SRSF1: variants seen among roughly 807,000 people sequenced by gnomAD.
SRSF1 encodes the protein serine and arginine rich splicing factor 1, also known as serine/arginine-rich splicing factor 1.
A neutral mutation model predicts 25.9 loss-of-function variants in SRSF1; 1 was observed. That is an observed-to-expected ratio of 0.04 (90% CI 0.01 to 0.18). SRSF1 has a LOEUF of 0.18. SRSF1 is among the 10% of genes least tolerant of loss of function. The pLI is 1.00. For missense variants in SRSF1, 65 were observed against 350.5 expected (o/e 0.19, Z 6.50); for synonymous variants, 132 against 126.2 (o/e 1.05, Z -0.31).
chr17:57,997,951 A>G (rs1362210160), downstream of SRSF1, among the ~76,000 whole-genome samples: 2 of 152,202 alleles, frequency 1.3e-5, no homozygotes, highest in African/African-American at 4.8e-5. Flanking sequence ...GCGCTGGCTC[A>G]CACCTGTATT....
chr17:58,006,030 T>G, intron 2 of SRSF1, 57 bp from the exon 3 acceptor site: 1 of 1,536,004 alleles, frequency 6.5e-7, no homozygotes, highest in Non-Finnish European at 8.9e-7. Context: ...CACGTTAAGC[T>G]GGTAAGGTAC....
downstream of SRSF1, among the ~76,000 whole-genome samples, chr17:57,998,008 A>C (rs12453846): frequency 0.063 from 9,592 of 152,230 alleles, 319 homozygotes; most frequent in African/African-American, 0.082. Flanking sequence ...TGAGATCAGA[A>C]GTTCAGAGAC....
At position 58,007,140 on chromosome 17, in the gene SRSF1, C is replaced by A. The variant is rs775418385; in HGVS notation, c.-3G>T. ...CGAATCACACCACCTCCCGACATGG[C>A]GGTGACGAAAAGCGCGGACTCGAGA... On this transcript the variant is annotated 5_prime_UTR_variant, in exon 1 of 4. Transcript: ENST00000258962. 6.2e-7 allele frequency: 1 copy of A among 1,613,708 alleles called. No homozygotes were observed. The highest frequency in any genetic ancestry group is 8.5e-7 in the Non-Finnish European group (1 of 1,179,916).
intron 1 of SRSF1, 117 bp from the exon 2 acceptor site, chr17:58,006,644 C>T: frequency 8.1e-7 from 1 of 1,241,596 alleles, no homozygotes; most frequent in East Asian, 2.6e-5. Flanking sequence ...CCACATGCGC[C>T]GCATAATAGG....
chr17:57,993,418 A>G, the SRSF1 span: 3 of 150,876 alleles, frequency 2.0e-5, no homozygotes, highest in Non-Finnish European at 4.4e-5. Context: ...CTAAAGTTCT[A>G]CATTCAGTCA....
the SRSF1 span, chr17:57,992,052 A>C: frequency 6.6e-6 from 1 of 152,258 alleles, no homozygotes; most frequent in Admixed American, 6.5e-5. Context: ...ATGAGTCTAA[A>C]GCCATGGAAA....
the SRSF1 span, chr17:57,992,062 A>T: frequency 1.3e-5 from 2 of 152,248 alleles, no homozygotes; most frequent in African/African-American, 4.8e-5. Context: ...AGCCATGGAA[A>T]CACATTTATC....
the SRSF1 span, among the ~76,000 whole-genome samples, chr17:57,995,890 C>T: frequency 6.6e-6 from 1 of 152,156 alleles, no homozygotes; most frequent in Non-Finnish European, 1.5e-5. Context: ...TATCTGTAAT[C>T]CCAGCACTTT....
the SRSF1 span, chr17:57,990,320 T>C: frequency 6.6e-6 from 1 of 152,194 alleles, no homozygotes; most frequent in Non-Finnish European, 1.5e-5. Context: ...AAGAATCACT[T>C]TTCTTGAGGA....
At chr17:57,989,426 T>C in the SRSF1 span, 3 of 397,636 alleles carry the variant, frequency 7.5e-6, no homozygotes, top group Admixed American at 1.3e-4. Context: ...TTTAAGACTT[T>C]AACATTTTCC....
chr17:57,996,408 C>T (rs2075364779), downstream of SRSF1, among the ~76,000 whole-genome samples: 1 of 138,374 alleles, frequency 7.2e-6, no homozygotes, highest in Admixed American at 8.3e-5. Context: ...CGCTTGAACC[C>T]AGGAGGTGGA....
At chr17:57,992,630 C>G in the SRSF1 span, 1 of 152,204 alleles carries the variant, frequency 6.6e-6, no homozygotes, top group African/African-American at 2.4e-5. Flanking sequence ...TGTTTAGTGT[C>G]ATGTGCACCC....
downstream of SRSF1, among the ~76,000 whole-genome samples, chr17:57,999,177 CA>C (rs1387521357): frequency 2.0e-5 from 3 of 152,142 alleles, no homozygotes; most frequent in African/African-American, 7.2e-5. Flanking sequence ...GATTTTAAGA[CA>C]AACTTTAAGA....
the SRSF1 span, chr17:57,989,581 G>T: frequency 2.5e-6 from 1 of 398,036 alleles, no homozygotes; most frequent in South Asian, 1.4e-4. Context: ...ATAGTAATTT[G>T]ACAGTGTGTT....
intron 1 of SRSF1, chr17:58,006,743 T>A: frequency 5.7e-6 from 5 of 878,790 alleles, no homozygotes; most frequent in Non-Finnish European, 8.5e-6. Context: ...AGCCTGCGAA[T>A]GGGCTCCGGG....
At chr17:58,006,642 G>A (rs1278341913) in intron 1 of SRSF1, 115 bp from the exon 2 acceptor site, 7 of 1,260,010 alleles carry the variant, frequency 5.6e-6, no homozygotes, top group Middle Eastern at 2.8e-4. Flanking sequence ...GCCCACATGC[G>A]CCGCATAATA....
chr17:58,007,183 G>C lies in SRSF1; in HGVS notation c.-46C>G, dbSNP rs775395791. On this transcript the variant is annotated 5_prime_UTR_variant, in exon 1 of 4. Transcript: ENST00000258962. Reference sequence around the variant, plus strand: ...ACTCGAGAACAGGCCTTCCCACCAAGCCTAGCGCACGGCAGAGCGAGCCCG... The same window carrying C: ...ACTCGAGAACAGGCCTTCCCACCAACCCTAGCGCACGGCAGAGCGAGCCCG... The C allele has an allele frequency of 2.5e-6, 4 of 1,606,256 alleles. No individual in the cohort carries two copies. The highest frequency in any genetic ancestry group is 3.4e-6 in the Non-Finnish European group (4 of 1,175,876).
chr17:57,999,467 G>A (rs2075377439), downstream of SRSF1, among the ~76,000 whole-genome samples: 2 of 152,138 alleles, frequency 1.3e-5, no homozygotes, highest in African/African-American at 4.8e-5. Context: ...GTGCCTGTAA[G>A]GTAAACTCTG....
chr17:57,989,327 C>T, the SRSF1 span: 4 of 398,498 alleles, frequency 1.0e-5, no homozygotes, highest in African/African-American at 6.2e-5. Context: ...AAGACATCTC[C>T]TGTGGCAGGG....
Sources: gnomAD v4.1 joint callset for allele counts (sites outside exome capture counted in the v4.1 genomes callset) on GRCh38, gnomAD v4.1.1 for gene constraint, MANE v1.5 for transcripts, NCBI Gene and HGNC (gene_info 2026-07-23, HGNC 2026-07-21) for gene names.